The following LAMA4 variants were observed in gnomAD, a reference collection of about 807,000 sequenced individuals.
LAMA4 encodes laminin subunit alpha-4.
LAMA4 carries 127 observed loss-of-function variants against 207.1 expected under a neutral mutation model. The ratio of observed to expected loss-of-function variants is 0.61; its 90% confidence interval spans 0.53 to 0.71. The LOEUF is 0.71. LAMA4 is among the 30% of genes least tolerant of loss of function. The pLI is 0.00. For synonymous variants in LAMA4, 761 were observed against 816.0 expected (o/e 0.93, Z 1.15); for missense variants, 2,093 against 2,246.5 (o/e 0.93, Z 1.38).
chr6:112,207,014 G>T lies in LAMA4; in HGVS notation c.422+7C>A. On this transcript the variant is annotated splice_region_variant and intron_variant, in intron 4 of 38. Coordinates refer to ENST00000230538, the MANE Select transcript of LAMA4 (RefSeq NM_001105206.3). ...ATTAGAAGAGACCATCCTCCTTTAG[G>T]ACTTACTTGGCCAAGTGGGGCAGGG... 1 of 1,613,696 alleles carries T rather than the reference G, an allele frequency of 6.2e-7. No homozygotes were observed. The highest frequency in any genetic ancestry group is 1.7e-5 in the Admixed American group (1 of 59,978).
Position 112,209,658 on chromosome 6 carries a change from A to T in LAMA4, c.298-2513T>A, listed in dbSNP as rs559600435. ...TGGTTTTCTATTCCCTTATCTGCAA[A>T]GTGATGATTTAGACTAGATGGCCTT... is the stretch of plus-strand genomic sequence containing the variant. On this transcript the variant is annotated intron_variant, in intron 3 of 38. Coordinates refer to ENST00000230538, the MANE Select transcript of LAMA4 (RefSeq NM_001105206.3). Among the ~76,000 whole-genome samples, 103 of 152,260 alleles carry T rather than the reference A, an allele frequency of 6.8e-4. 1 individual carries two copies. Among genetic ancestry groups the T allele is most frequent in the African/African-American group, 2.4e-3 (100 of 41,538 alleles).
At chr6:112,234,517 C>A (rs1374301763) in intron 2 of LAMA4, 1 of 151,384 alleles carries the variant, frequency 6.6e-6, no homozygotes, top group African/African-American at 2.4e-5. Flanking sequence ...GAAATTCATG[C>A]TGATTCATGA....
At chr6:112,211,424 T>C (rs9487852) in intron 3 of LAMA4, among the ~76,000 whole-genome samples, 167 of 152,334 alleles carry the variant, frequency 1.1e-3, no homozygotes, top group African/African-American at 3.8e-3. Flanking sequence ...TAGTAACCTA[T>C]TCATTCATTC....
chr6:112,126,656 C>T (rs1288576834), intron 31 of LAMA4, among the ~76,000 whole-genome samples: 1 of 152,194 alleles, frequency 6.6e-6, no homozygotes, highest in Non-Finnish European at 1.5e-5. Flanking sequence ...GAAAAACCAT[C>T]AGAATGGAGA....
chr6:112,133,812 A>G (rs1323291043), intron 26 of LAMA4, among the ~76,000 whole-genome samples: 4 of 152,240 alleles, frequency 2.6e-5, no homozygotes, highest in African/African-American at 9.6e-5. Context: ...GAATCATAGG[A>G]ACTAACATGT....
chr6:112,194,783 G>A lies in LAMA4; in HGVS notation c.504-2933C>T, dbSNP rs532768157. On this transcript the variant is annotated intron_variant, in intron 5 of 38. Coordinates refer to ENST00000230538, the MANE Select transcript of LAMA4 (RefSeq NM_001105206.3). ...AAGAACTAACAACAAAGACACAAAA[G>A]CACCAGTATTTGAGTTTAGAGTAAG... Among the ~76,000 whole-genome samples, 78 of 152,230 alleles carry A rather than the reference G, an allele frequency of 5.1e-4. 1 individual carries two copies. The highest frequency in any genetic ancestry group is 1.9e-3 in the African/African-American group (77 of 41,546).
At chr6:112,114,052 T>C in intron 38 of LAMA4, 24 bp downstream of exon 38, 1 of 1,613,444 alleles carries the variant, frequency 6.2e-7, no homozygotes, top group South Asian at 1.1e-5. Flanking sequence ...GATTGGGAAC[T>C]TTTCCTTTTT....
rs1554335528 is a variant in LAMA4 at position 112,150,521 on chromosome 6, T to G, written c.2163A>C (p.Ala721=). Residue 721 remains alanine, a synonymous_variant, in exon 17 of 39, where the codon GCA becomes GCC. Coordinates refer to ENST00000230538, the MANE Select transcript of LAMA4 (RefSeq NM_001105206.3). ...RLSDAVKQLQ[A]AERGDAQQRL... is the part of the protein sequence containing the mutation. ...CTCTCTGATGCTTACCTCTCTCTGC[T>G]GCTTGTAGTTGCTTAACGGCATCAC... is the stretch of plus-strand genomic sequence containing the variant. The G allele has an allele frequency of 6.2e-7, 1 of 1,605,698 alleles. No individual in the cohort carries two copies. Among genetic ancestry groups the G allele is most frequent in the South Asian group, 1.1e-5 (1 of 90,934 alleles).
chr6:112,253,611 C>T, intron 2 of LAMA4: 1 of 831,642 alleles, frequency 1.2e-6, no homozygotes, highest in South Asian at 1.5e-5. Flanking sequence ...CGTTAAGTGC[C>T]GTGGCTTGAC....
chr6:112,165,521 C>T (rs1781335563), intron 12 of LAMA4, among the ~76,000 whole-genome samples: 1 of 152,122 alleles, frequency 6.6e-6, no homozygotes, highest in Admixed American at 6.5e-5. Flanking sequence ...ATTATAACAC[C>T]GTCATTTCAA....
At chr6:112,219,402 A>G (rs1345551207) in intron 2 of LAMA4, 6 of 152,122 alleles carry the variant, frequency 3.9e-5, no homozygotes, top group African/African-American at 1.4e-4. Context: ...TATGTATGAG[A>G]GAGTAAGAGA....
At position 112,158,852 on chromosome 6, in the gene LAMA4, T is replaced by C; in HGVS notation, c.1697A>G (p.Asp566Gly). The C allele has an allele frequency of 6.2e-7, 1 of 1,612,156 alleles. No individual in the cohort carries two copies. Among genetic ancestry groups the C allele is most frequent in the African/African-American group, 1.3e-5 (1 of 75,014 alleles). ...KNASGIYAEI[D>G]GAKSELQVKL... ...TACTTGTAGTTCACTTTTGGCTCCA[T>C]CTATTTCTGCATAAATCCCTGACGC... The change falls in exon 14 of 39, where the codon GAT (aspartate) becomes GGT (glycine). Residue 566 changes from aspartate (D) to glycine (G), a missense_variant. Transcript: ENST00000230538.
chr6:112,212,279 G>A (rs1202032257), intron 3 of LAMA4, among the ~76,000 whole-genome samples: 4 of 150,778 alleles, frequency 2.7e-5, no homozygotes, highest in Non-Finnish European at 5.9e-5. Context: ...GCTAGAATGC[G>A]GTGGTGTGAT....
chr6:112,178,303 T>G, intron 9 of LAMA4, 71 bp from the exon 10 acceptor site: 1 of 1,046,316 alleles, frequency 9.6e-7, no homozygotes, highest in Non-Finnish European at 1.5e-6. Context: ...CAGATAGGGG[T>G]GGGTGGGCAT....
rs781797792 is a variant in LAMA4, at chr6:112,122,250, A to G, written c.4288-49T>C. ...GGATAAAAGTGACATACTAGCAGCAAAAAGTAATTTGTGATGTCCTCATCA... is the reference window on the plus strand; with the variant it reads ...GGATAAAAGTGACATACTAGCAGCAGAAAGTAATTTGTGATGTCCTCATCA... On this transcript the variant is annotated intron_variant, in intron 31 of 38. Transcript: ENST00000230538. The G allele has an allele frequency of 1.8e-4, 251 of 1,415,618 alleles. 1 individual carries two copies. In the Middle Eastern group the frequency reaches 2.6e-3, roughly 15 times the overall value. The allele number at this position is 1,415,618 out of a possible 1,614,324, so 87.7% of individuals were successfully genotyped here.
chr6:112,207,530 C>A (rs73542556), intron 3 of LAMA4, among the ~76,000 whole-genome samples: 1 of 137,546 alleles, frequency 7.3e-6, no homozygotes, highest in East Asian at 1.9e-4. Flanking sequence ...ACCAACCAAC[C>A]AACCAACCAA....
chr6:112,155,043 C>T, intron 15 of LAMA4, 96 bp from the exon 16 acceptor site: 1 of 848,332 alleles, frequency 1.2e-6, no homozygotes, highest in Non-Finnish European at 2.0e-6. Context: ...ATCTGCTAAA[C>T]ACCAAGCAAA....
At chr6:112,190,935 C>CTTTCT (rs1554348658) in intron 6 of LAMA4, among the ~76,000 whole-genome samples, 1 of 59,304 alleles carries the variant, frequency 1.7e-5, no homozygotes, top group African/African-American at 8.1e-5. Flanking sequence ...TTCTTTCTTT[C>CTTTCT]TTTCTTTCTT....
intron 6 of LAMA4, 70 bp from the exon 7 acceptor site, chr6:112,189,275 G>C: frequency 1.8e-6 from 2 of 1,082,766 alleles, no homozygotes; most frequent in Admixed American, 3.6e-5. Context: ...TATTTTCCTG[G>C]TTTCTAGAAA....
Sources: gnomAD v4.1 joint callset for allele counts (sites outside exome capture counted in the v4.1 genomes callset) on GRCh38, gnomAD v4.1.1 for gene constraint, MANE v1.5 for transcripts, NCBI Gene and HGNC (gene_info 2026-07-23, HGNC 2026-07-21) for gene names.